The following ANO3 variants were observed in gnomAD, a reference collection of about 807,000 sequenced individuals.
The protein encoded by ANO3 is anoctamin 3.
Under a neutral mutation model 144.8 loss-of-function variants are expected in ANO3, and 99 were observed. The ratio of observed to expected loss-of-function variants is 0.68; its 90% CI spans 0.58 to 0.81. ANO3 has a LOEUF of 0.81. Ranked by LOEUF, ANO3 falls within the 30% of genes least tolerant of loss-of-function variation. ANO3 has a pLI of 0.00. For missense variants in ANO3, 905 were observed against 1,202.2 expected, an observed-to-expected ratio of 0.75 and a Z score of 3.66; for synonymous variants, 414 against 392.6, an observed-to-expected ratio of 1.05 and a Z score of -0.64.
intron 1 of ANO3, among the ~76,000 whole-genome samples, chr11:26,255,571 A>G (rs902152975): frequency 5.9e-5 from 9 of 152,144 alleles, no homozygotes; most frequent in African/African-American, 2.2e-4. Context: ...CCACAGCTAG[A>G]TAAGAGCCCA....
intron 1 of ANO3, among the ~76,000 whole-genome samples, chr11:26,294,640 T>G (rs1448610458): frequency 6.6e-6 from 1 of 152,184 alleles, no homozygotes; most frequent in African/African-American, 2.4e-5. Flanking sequence ...AAGATTCAGA[T>G]CGTGTTCTCT....
chr11:26,392,923 G>T (rs1024397557), intron 1 of ANO3, among the ~76,000 whole-genome samples: 35 of 152,052 alleles, frequency 2.3e-4, no homozygotes, highest in Non-Finnish European at 5.1e-4. Context: ...TTGGGTAAAT[G>T]GATGGTTCTG....
chr11:26,416,038 T>G (rs888348432), intron 1 of ANO3, among the ~76,000 whole-genome samples: 1 of 152,108 alleles, frequency 6.6e-6, no homozygotes, highest in South Asian at 2.1e-4. Context: ...ATTTTTTTAG[T>G]CATTAGCAAT....
At chr11:26,531,408 C>G in intron 8 of ANO3, 72 bp downstream of exon 8, 1 of 1,475,488 alleles carries the variant, frequency 6.8e-7, no homozygotes, top group Non-Finnish European at 9.1e-7. Flanking sequence ...ATAAAAACAC[C>G]TGGGACCATT....
intron 4 of ANO3, among the ~76,000 whole-genome samples, chr11:26,489,775 A>C (rs191268371): frequency 6.6e-6 from 1 of 152,304 alleles, no homozygotes; most frequent in African/African-American, 2.4e-5. Flanking sequence ...TGGGCCCTGT[A>C]ACCTTTTTGT....
At chr11:26,598,296 T>C in intron 14 of ANO3, 69 bp from the exon 15 acceptor site, 1 of 727,566 alleles carries the variant, frequency 1.4e-6, no homozygotes, top group Admixed American at 2.9e-5. Context: ...AGATAAGATA[T>C]CTCAATATAA....
chr11:26,235,576 A>G (rs1021907932), intron 1 of ANO3, among the ~76,000 whole-genome samples: 4 of 148,310 alleles, frequency 2.7e-5, no homozygotes, highest in Non-Finnish European at 6.0e-5. Flanking sequence ...CCTATTAGCT[A>G]AAGTTTAACA....
chr11:26,375,527 G>A (rs1461365), intron 1 of ANO3, among the ~76,000 whole-genome samples: 40,653 of 152,034 alleles, frequency 0.27, 6,108 homozygotes, highest in African/African-American at 0.41. Flanking sequence ...AGAATGAATC[G>A]GTGAGTTATT....
upstream of ANO3, among the ~76,000 whole-genome samples, chr11:26,306,302 C>CT (rs1197081896): frequency 6.6e-6 from 1 of 151,954 alleles, no homozygotes; most frequent in Non-Finnish European, 1.5e-5. Context: ...CTTTCAAGAA[C>CT]TTAATCCTTA....
intron 1 of ANO3, among the ~76,000 whole-genome samples, chr11:26,249,979 G>A (rs1435858875): frequency 3.3e-5 from 5 of 152,110 alleles, no homozygotes; most frequent in Non-Finnish European, 7.4e-5. Context: ...TAAAGAGTAC[G>A]AAAAACCAAC....
chr11:26,280,838 G>A (rs929552771), intron 1 of ANO3, among the ~76,000 whole-genome samples: 1 of 152,092 alleles, frequency 6.6e-6, no homozygotes, highest in African/African-American at 2.4e-5. Context: ...GCTATACTTG[G>A]TTCTTGACAG....
In ANO3 at chr11:26,254,997, T is replaced by A. The variant is rs372833886; in HGVS notation, c.155-54648T>A. On this transcript the variant is annotated intron_variant, in intron 1 of 27. Coordinates refer to the ANO3 transcript ENST00000672621. ...TGAAATTGAGTGACAGACCCGGAAT[T>A]CAAATCAAATCCCACATTGTGTTCG... Among the ~76,000 whole-genome samples the A allele has an allele frequency of 5.3e-5, 8 of 152,256 alleles. No individual in the cohort carries two copies. The East Asian group carries it at 1.5e-3, about 29-fold the overall frequency.
intron 23 of ANO3, among the ~76,000 whole-genome samples, chr11:26,647,306 G>A (rs72881752): frequency 0.024 from 3,676 of 152,202 alleles, 55 homozygotes; most frequent in South Asian, 0.04. Flanking sequence ...CAAAGATAAA[G>A]ACAAACCCCA....
chr11:26,198,073 A>G (rs180753699), intron 1 of ANO3, among the ~76,000 whole-genome samples: 244 of 152,196 alleles, frequency 1.6e-3, no homozygotes, highest in African/African-American at 5.5e-3. Flanking sequence ...AGTTTCAGCA[A>G]GGCAAATGGT....
intron 1 of ANO3, chr11:26,426,990 T>C (rs1474476419): frequency 6.6e-6 from 1 of 152,364 alleles, no homozygotes; most frequent in African/African-American, 2.4e-5. Flanking sequence ...GAAGAAATAA[T>C]TGAAGTGAAA....
At chr11:26,653,143 C>A (rs1160634449) in intron 24 of ANO3, among the ~76,000 whole-genome samples, 1 of 152,106 alleles carries the variant, frequency 6.6e-6, no homozygotes, top group African/African-American at 2.4e-5. Context: ...TACGCTCATA[C>A]CTGAATTCTA....
At chr11:26,260,044 G>T (rs1853150043) in intron 1 of ANO3, among the ~76,000 whole-genome samples, 1 of 146,448 alleles carries the variant, frequency 6.8e-6, no homozygotes, top group Non-Finnish European at 1.5e-5. Context: ...AAATTTTAAA[G>T]TGCTTTTTTT....
chr11:26,272,049 A>G (rs1244452034), intron 1 of ANO3, among the ~76,000 whole-genome samples: 8 of 152,118 alleles, frequency 5.3e-5, no homozygotes, highest in Admixed American at 6.5e-5. Flanking sequence ...TTGAGTATCT[A>G]TTGAAAATGC....
chr11:26,369,488 G>T (rs912291135), intron 1 of ANO3, among the ~76,000 whole-genome samples: 1 of 151,908 alleles, frequency 6.6e-6, no homozygotes, highest in African/African-American at 2.4e-5. Context: ...GAGGCTAAGA[G>T]GTATTATATA....
Sources: allele counts gnomAD v4.1 joint callset (sites outside exome capture counted in the v4.1 genomes callset), GRCh38; gene constraint gnomAD v4.1.1; transcripts MANE v1.5; gene names NCBI Gene and HGNC (gene_info 2026-07-23, HGNC 2026-07-21).